The following SOX2 variants were observed in gnomAD, a reference collection of about 807,000 sequenced individuals.
The protein encoded by SOX2 is SRY-box transcription factor 2.
SOX2 carries 2 observed loss-of-function variants against 19.7 expected under a neutral mutation model. That is an observed-to-expected ratio of 0.10 (90% CI 0.04 to 0.32). SOX2 has a LOEUF of 0.32. Among genes scored for constraint, SOX2 ranks in the 10% least tolerant of loss-of-function variants. The probability of loss-of-function intolerance (pLI) is 1.00; values close to 1 mark genes in which losing one functional copy is unlikely to be tolerated. For missense variants in SOX2, 294 were observed against 459.9 expected, an observed-to-expected ratio of 0.64 and a Z score of 3.30; for synonymous variants, 211 against 196.8, an observed-to-expected ratio of 1.07 and a Z score of -0.60.
chr3:181,712,747 C>T lies in SOX2; in HGVS notation c.387C>T (p.Gly129=), dbSNP rs769520201. 3.1e-6 allele frequency: 5 copies of T among 1,609,560 alleles called. No individual in the cohort carries two copies. The highest frequency in any genetic ancestry group is 1.7e-4 in the Middle Eastern group (1 of 6,054). ...LMKKDKYTLP[G]GLLAPGGNSM... ...AGAAGGATAAGTACACGCTGCCCGG[C>T]GGGCTGCTGGCCCCCGGCGGCAATA... is the stretch of plus-strand genomic sequence containing the variant. The change falls in exon 1 of 1, where the codon GGC becomes GGT. Residue 129 remains glycine, a synonymous_variant. Coordinates refer to ENST00000325404, the MANE Select transcript of SOX2 (RefSeq NM_003106.4). This position sits in a 1 kb window ranked among gnomAD's most constrained non-coding sequence, Gnocchi z 8.5.
rs1419141389 is a variant in SOX2 at position 181,714,016 on chromosome 3, CTG to C, written c.*705_*706del. Reference sequence around the variant, plus strand: ...TAGAATAAGTACTGGCGAACCATCTCTGTGGTCTTGTTTAAAAAGGGCAAAAG... The same window carrying C: ...TAGAATAAGTACTGGCGAACCATCTCTGGTCTTGTTTAAAAAGGGCAAAAG... On this transcript the variant is annotated 3_prime_UTR_variant, in exon 1 of 1. Coordinates refer to ENST00000325404, the MANE Select transcript of SOX2 (RefSeq NM_003106.4). 1 of 244,286 alleles carries C rather than the reference CTG, an allele frequency of 4.1e-6. No homozygotes were observed. Among genetic ancestry groups the C allele is most frequent in the Non-Finnish European group, 8.6e-6 (1 of 115,934 alleles). 15.1% of individuals were successfully genotyped at this position (244,286 alleles called of 1,614,324 possible). A position where few individuals can be genotyped will look rare whatever the true frequency, so the allele number is the denominator to read the frequency against.
rs913691993 is a variant in SOX2 at position 181,712,342 on chromosome 3, GC to G, written c.-16del. The G allele has an allele frequency of 1.1e-5, 16 of 1,431,876 alleles. No homozygotes were observed. The highest frequency in any genetic ancestry group is 1.4e-5 in the Non-Finnish European group (15 of 1,099,620). 88.7% of individuals were successfully genotyped at this position (1,431,876 alleles called of 1,614,324 possible). On this transcript the variant is annotated 5_prime_UTR_variant, in exon 1 of 1. Coordinates refer to ENST00000325404, the MANE Select transcript of SOX2 (RefSeq NM_003106.4). The surrounding 1 kb of genome is among the most constrained non-coding windows in gnomAD (Gnocchi z 8.5). ...GGGTCGGCGGCCGCCGGCGGGCCGGGCCCGCGCACAGCGCCCGCATGTACAA... is the reference window on the plus strand; with the variant it reads ...GGGTCGGCGGCCGCCGGCGGGCCGGGCCGCGCACAGCGCCCGCATGTACAA...
chr3:181,713,238 A>C lies in SOX2; in HGVS notation c.878A>C (p.His293Pro). Residue 293 changes from histidine (H) to proline (P), a missense_variant, in exon 1 of 1, where the codon CAC becomes CCC. Transcript: ENST00000325404. The stretch of plus-strand genomic sequence containing the variant: ...GAACCCGCCGCCCCCAGCAGACTTC[A>C]CATGTCCCAGCACTACCAGAGCGGC... ...VPEPAAPSRL[H>P]MSQHYQSGPV... The C allele has an allele frequency of 6.2e-7, 1 of 1,611,802 alleles. No homozygotes were observed. Among genetic ancestry groups the C allele is most frequent in the Non-Finnish European group, 8.5e-7 (1 of 1,179,502 alleles).
Position 181,712,030 on chromosome 3 carries a change from G to A in SOX2, c.-331G>A. On this transcript the variant is annotated 5_prime_UTR_variant, in exon 1 of 1. Transcript: ENST00000325404. The surrounding 1 kb of genome is among the most constrained non-coding windows in gnomAD (Gnocchi z 8.5). ...TAGTTTGCTGCCTCTTTAAGACTAG[G>A]ACTGAGAGAAAGAAGAGGAGAGAGA... 3.3e-6 allele frequency: 1 copy of A among 304,296 alleles called. No homozygotes were observed. The highest frequency in any genetic ancestry group is 6.0e-6 in the Non-Finnish European group (1 of 166,614). The allele number at this position is 304,296 out of a possible 1,614,324, so 18.8% of individuals were successfully genotyped here. A position where few individuals can be genotyped will look rare whatever the true frequency, so the allele number is the denominator to read the frequency against.
rs1267550505 is a variant in SOX2 at position 181,712,540 on chromosome 3, C to T, written c.180C>T (p.Ala60=). The T allele has an allele frequency of 6.2e-7, 1 of 1,614,156 alleles. No homozygotes were observed. The change falls in exon 1 of 1, where the codon GCC becomes GCT. Residue 60 remains alanine (A), a synonymous_variant. Transcript: ENST00000325404. The surrounding 1 kb of genome is among the most constrained non-coding windows in gnomAD (Gnocchi z 8.5). ...VWSRGQRRKM[A]QENPKMHNSE... ...CCCGCGGGCAGCGGCGCAAGATGGC[C>T]CAGGAGAACCCCAAGATGCACAACT...
chr3:181,712,530 G>T lies in SOX2; in HGVS notation c.170G>T (p.Arg57Leu). Residue 57 changes from arginine to leucine, a missense_variant, in exon 1 of 1, where the codon CGC becomes CTC. By Grantham distance (102) the Arg-to-Leu change is moderately radical. Transcript: ENST00000325404. This position sits in a 1 kb window ranked among gnomAD's most constrained non-coding sequence, Gnocchi z 8.5. ...AFMVWSRGQR[R>L]KMAQENPKMH... ...ATGGTGTGGTCCCGCGGGCAGCGGC[G>T]CAAGATGGCCCAGGAGAACCCCAAG... 1 of 1,614,152 alleles carries T rather than the reference G, an allele frequency of 6.2e-7. No individual in the cohort carries two copies. The highest frequency in any genetic ancestry group is 8.5e-7 in the Non-Finnish European group (1 of 1,180,008).
In SOX2 at chr3:181,711,950, A is replaced by T; in HGVS notation, c.-411A>T. On this transcript the variant is annotated 5_prime_UTR_variant, in exon 1 of 1. Coordinates refer to ENST00000325404, the MANE Select transcript of SOX2 (RefSeq NM_003106.4). ...GATGGTTGTCTATTAACTTGTTCAA[A>T]AAAGTATCAGGAGTTGTCAAGGCAG... 1 of 240,082 alleles carries T rather than the reference A, an allele frequency of 4.2e-6. No individual in the cohort carries two copies. Among genetic ancestry groups the T allele is most frequent in the Non-Finnish European group, 8.1e-6 (1 of 123,138 alleles). 14.9% of individuals were successfully genotyped at this position (240,082 alleles called of 1,614,324 possible).
Position 181,713,015 on chromosome 3 carries a change from G to T in SOX2, c.655G>T (p.Gly219Cys). 1 of 1,613,860 alleles carries T rather than the reference G, an allele frequency of 6.2e-7. No homozygotes were observed. Among genetic ancestry groups the T allele is most frequent in the Non-Finnish European group, 8.5e-7 (1 of 1,180,032 alleles). Residue 219 changes from glycine to cysteine, a missense_variant, in exon 1 of 1, where the codon GGC becomes TGC. This residue lies in a region of SOX2 where 223 missense variants were observed against 292.7 expected (regional missense o/e 0.76). Coordinates refer to ENST00000325404, the MANE Select transcript of SOX2 (RefSeq NM_003106.4). ...SMTSSQTYMN[G>C]SPTYSMSYSQ... ...GACCAGCTCGCAGACCTACATGAACGGCTCGCCCACCTACAGCATGTCCTA... is the reference window on the plus strand; with the variant it reads ...GACCAGCTCGCAGACCTACATGAACTGCTCGCCCACCTACAGCATGTCCTA...
At position 181,713,855 on chromosome 3, in the gene SOX2, A is replaced by G. The variant is rs569931992; in HGVS notation, c.*541A>G. ...TTGTTTATAAGCTGAGAATTTGCCA[A>G]TATTTTTCAAGGAGAGGCTTCTTGC... On this transcript the variant is annotated 3_prime_UTR_variant, in exon 1 of 1. Transcript: ENST00000325404. The G allele has an allele frequency of 2.6e-4, 64 of 249,324 alleles. No homozygotes were observed. Among genetic ancestry groups the G allele is most frequent in the Non-Finnish European group, 4.4e-4 (52 of 118,986 alleles). 15.4% of individuals were successfully genotyped at this position (249,324 alleles called of 1,614,324 possible).
In SOX2 at chr3:181,713,391, A is replaced by G; in HGVS notation, c.*77A>G. On this transcript the variant is annotated 3_prime_UTR_variant, in exon 1 of 1. Coordinates refer to ENST00000325404, the MANE Select transcript of SOX2 (RefSeq NM_003106.4). ...AAATGGGAGGGGTGCAAAAGAGGAG[A>G]GTAAGAAACAGCATGGAGAAAACCC... is the stretch of plus-strand genomic sequence containing the variant. 1 of 1,526,976 alleles carries G rather than the reference A, an allele frequency of 6.5e-7. No individual in the cohort carries two copies. The highest frequency in any genetic ancestry group is 8.9e-7 in the Non-Finnish European group (1 of 1,125,694). The allele number at this position is 1,526,976 out of a possible 1,614,324, so 94.6% of individuals were successfully genotyped here. A position where few individuals can be genotyped will look rare whatever the true frequency, so the allele number is the denominator to read the frequency against.
Position 181,713,610 on chromosome 3 carries a change from A to C in SOX2, c.*296A>C. ...CAGAGAAAACCTGGGGAGGGTGGGGAGGGCGGGGGAATGGACCTTGTATAG... is the reference window on the plus strand; with the variant it reads ...CAGAGAAAACCTGGGGAGGGTGGGGCGGGCGGGGGAATGGACCTTGTATAG... On this transcript the variant is annotated 3_prime_UTR_variant, in exon 1 of 1. Coordinates refer to ENST00000325404, the MANE Select transcript of SOX2 (RefSeq NM_003106.4). 2.2e-5 allele frequency: 2 copies of C among 91,340 alleles called. No individual in the cohort carries two copies. The highest frequency in any genetic ancestry group is 1.4e-4 in the South Asian group (1 of 7,038). 5.7% of individuals were successfully genotyped at this position (91,340 alleles called of 1,614,324 possible). A position where few individuals can be genotyped will look rare whatever the true frequency, so the allele number is the denominator to read the frequency against.
At position 181,712,901 on chromosome 3, in the gene SOX2, C is replaced by G. The variant is rs369111881; in HGVS notation, c.541C>G (p.Pro181Ala). The G allele has an allele frequency of 1.4e-5, 22 of 1,612,778 alleles. No individual in the cohort carries two copies. The highest frequency in any genetic ancestry group is 3.3e-5 in the Admixed American group (2 of 59,980). ...YSMMQDQLGY[P>A]QHPGLNAHGA... is the part of the protein sequence containing the mutation. Reference sequence around the variant, plus strand: ...CATGATGCAGGACCAGCTGGGCTACCCGCAGCACCCGGGCCTCAATGCGCA... The same window carrying G: ...CATGATGCAGGACCAGCTGGGCTACGCGCAGCACCCGGGCCTCAATGCGCA... The change falls in exon 1 of 1, where the codon CCG becomes GCG. Residue 181 changes from proline (P) to alanine (A), a missense_variant. Physicochemically the swap from Pro to Ala is conservative, Grantham distance 27. Coordinates refer to ENST00000325404, the MANE Select transcript of SOX2 (RefSeq NM_003106.4). This position sits in a 1 kb window ranked among gnomAD's most constrained non-coding sequence, Gnocchi z 8.5.
In SOX2 at chr3:181,713,309, A is replaced by C; in HGVS notation, c.949A>C (p.Met317Leu). 6.4e-7 allele frequency: 1 copy of C among 1,571,656 alleles called. No homozygotes were observed. The highest frequency in any genetic ancestry group is 1.1e-5 in the South Asian group (1 of 86,990). Residue 317 changes from methionine to leucine, a missense_variant, in exon 1 of 1, where the codon ATG becomes CTG. Met to Leu is a conservative substitution (Grantham distance 15, BLOSUM62 2). This residue lies in a region of SOX2 where 223 missense variants were observed against 292.7 expected (regional missense o/e 0.76). Coordinates refer to ENST00000325404, the MANE Select transcript of SOX2 (RefSeq NM_003106.4). The stretch of plus-strand genomic sequence containing the variant: ...TAACGGCACACTGCCCCTCTCACAC[A>C]TGTGAGGGCCGGACAGCGAACTGGA... ...AINGTLPLSH[M>L]
At position 181,713,061 on chromosome 3, in the gene SOX2, G is replaced by C. The variant is rs1414818391; in HGVS notation, c.701G>C (p.Gly234Ala). 13 of 1,613,820 alleles carry C rather than the reference G, an allele frequency of 8.1e-6. No homozygotes were observed. In the East Asian group the frequency reaches 2.7e-4, roughly 33 times the overall value. Reference protein sequence around the residue: ...SMSYSQQGTPGMALGSMGSVV... With the variant: ...SMSYSQQGTPAMALGSMGSVV... ...TCCTACTCGCAGCAGGGCACCCCTG[G>C]CATGGCTCTTGGCTCCATGGGTTCG... The change falls in exon 1 of 1, where the codon GGC becomes GCC. Residue 234 changes from glycine to alanine, a missense_variant. Coordinates refer to ENST00000325404, the MANE Select transcript of SOX2 (RefSeq NM_003106.4).
rs1466979696 is a variant in SOX2 at position 181,714,014 on chromosome 3, C to T, written c.*700C>T. 1 of 244,352 alleles carries T rather than the reference C, an allele frequency of 4.1e-6. No individual in the cohort carries two copies. The highest frequency in any genetic ancestry group is 2.2e-5 in the African/African-American group (1 of 45,132). The allele number at this position is 244,352 out of a possible 1,614,324, so 15.1% of individuals were successfully genotyped here. On this transcript the variant is annotated 3_prime_UTR_variant, in exon 1 of 1. Transcript: ENST00000325404. ...ATTAGAATAAGTACTGGCGAACCAT[C>T]TCTGTGGTCTTGTTTAAAAAGGGCA...
At position 181,712,124 on chromosome 3, in the gene SOX2, G is replaced by C; in HGVS notation, c.-237G>C. The C allele has an allele frequency of 2.6e-6, 1 of 387,062 alleles. No individual in the cohort carries two copies. Among genetic ancestry groups the C allele is most frequent in the Non-Finnish European group, 4.5e-6 (1 of 220,560 alleles). 24.0% of individuals were successfully genotyped at this position (387,062 alleles called of 1,614,324 possible). On this transcript the variant is annotated 5_prime_UTR_variant, in exon 1 of 1. Coordinates refer to ENST00000325404, the MANE Select transcript of SOX2 (RefSeq NM_003106.4). The surrounding 1 kb of genome is among the most constrained non-coding windows in gnomAD (Gnocchi z 8.5). ...AAAAATAATAATAACAATCATCGGC[G>C]GCGGCAGGATCGGCCAGAGGAGGAG...
chr3:181,712,393 GCCGGGC>G lies in SOX2; in HGVS notation c.37_42del (p.Gly13_Pro14del). Reference sequence around the variant, plus strand: ...ACATGATGGAGACGGAGCTGAAGCCGCCGGGCCCGCAGCAAACTTCGGGGGGCGGCG... The same window carrying G: ...ACATGATGGAGACGGAGCTGAAGCCGCCGCAGCAAACTTCGGGGGGCGGCG... On this transcript the variant is annotated inframe_deletion, in exon 1 of 1. Coordinates refer to ENST00000325404, the MANE Select transcript of SOX2 (RefSeq NM_003106.4). This position sits in a 1 kb window ranked among gnomAD's most constrained non-coding sequence, Gnocchi z 8.5. The G allele has an allele frequency of 6.4e-7, 1 of 1,572,562 alleles. No individual in the cohort carries two copies. The highest frequency in any genetic ancestry group is 8.6e-7 in the Non-Finnish European group (1 of 1,159,926).
Position 181,711,979 on chromosome 3 carries a change from A to C in SOX2, c.-382A>C. On this transcript the variant is annotated 5_prime_UTR_variant, in exon 1 of 1. Coordinates refer to ENST00000325404, the MANE Select transcript of SOX2 (RefSeq NM_003106.4). ...GTATCAGGAGTTGTCAAGGCAGAGAAGAGAGTGTTTGCAAAAGGGGGAAAG... is the reference window on the plus strand; with the variant it reads ...GTATCAGGAGTTGTCAAGGCAGAGACGAGAGTGTTTGCAAAAGGGGGAAAG... 7.9e-6 allele frequency: 2 copies of C among 252,716 alleles called. No homozygotes were observed. Among genetic ancestry groups the C allele is most frequent in the Non-Finnish European group, 7.6e-6 (1 of 131,974 alleles). 15.7% of individuals were successfully genotyped at this position (252,716 alleles called of 1,614,324 possible). A position where few individuals can be genotyped will look rare whatever the true frequency, so the allele number is the denominator to read the frequency against.
In SOX2 at chr3:181,712,281, C is replaced by A. The variant is rs1189163036; in HGVS notation, c.-80C>A. 5.0e-6 allele frequency: 6 copies of A among 1,192,372 alleles called. No homozygotes were observed. Among genetic ancestry groups the A allele is most frequent in the East Asian group, 3.2e-5 (1 of 31,116 alleles). The allele number at this position is 1,192,372 out of a possible 1,614,324, so 73.9% of individuals were successfully genotyped here. Reference sequence around the variant, plus strand: ...GCCCGCCTCCCCTCCTCCTCTCCCCCCGCCCGCGGGCCCCCCAAAGTCCCG... The same window carrying A: ...GCCCGCCTCCCCTCCTCCTCTCCCCACGCCCGCGGGCCCCCCAAAGTCCCG... On this transcript the variant is annotated 5_prime_UTR_variant, in exon 1 of 1. Transcript: ENST00000325404. This position sits in a 1 kb window ranked among gnomAD's most constrained non-coding sequence, Gnocchi z 8.5.
Sources: gnomAD v4.1 joint callset for allele counts on GRCh38, gnomAD v4.1.1 for gene constraint, gnomAD v4.1.1 regional missense constraint, Gnocchi (gnomAD v3.1) non-coding constraint, MANE v1.5 for transcripts, NCBI Gene and HGNC (gene_info 2026-07-23, HGNC 2026-07-21) for gene names.